SDK1: variants seen among roughly 807,000 people sequenced by gnomAD.
SDK1 encodes the protein sidekick cell adhesion molecule 1.
A neutral mutation model predicts 245.5 loss-of-function variants in SDK1; 157 were observed. The observed-to-expected ratio is 0.64, with a 90% confidence interval of 0.56 to 0.73. SDK1 has a LOEUF of 0.73. Ranked by LOEUF, SDK1 falls within the 30% of genes least tolerant of loss-of-function variation. SDK1 has a pLI of 0.00. For synonymous variants in SDK1, 1,647 were observed against 1,278.5 expected (o/e 1.29, Z -6.15); for missense variants, 3,583 against 3,002.3 (o/e 1.19, Z -4.52).
chr7:3,754,981 GA>G (rs1779878883), intron 4 of SDK1, among the ~76,000 whole-genome samples: 1 of 152,172 alleles, frequency 6.6e-6, no homozygotes, highest in South Asian at 2.1e-4. Flanking sequence ...CTAATTTCTG[GA>G]AAGGCTTTGT....
intron 4 of SDK1, among the ~76,000 whole-genome samples, chr7:3,644,912 G>A (rs1193199594): frequency 6.6e-6 from 1 of 151,918 alleles, no homozygotes; most frequent in Non-Finnish European, 1.5e-5. Context: ...ATAAATGTTG[G>A]GGGAGAATTG....
chr7:4,207,597 G>A (rs1334478651), intron 36 of SDK1, among the ~76,000 whole-genome samples: 1 of 152,088 alleles, frequency 6.6e-6, no homozygotes, highest in Non-Finnish European at 1.5e-5. Flanking sequence ...TTAGATGTCG[G>A]CTCTGAATAA....
At chr7:3,640,485 T>C (rs538014285) in intron 3 of SDK1, among the ~76,000 whole-genome samples, 207 of 152,238 alleles carry the variant, frequency 1.4e-3, no homozygotes, top group Non-Finnish European at 2.4e-3. Context: ...TTTTCTAAAT[T>C]GTGATGCCGA....
chr7:3,934,642 G>A (rs749537205), intron 5 of SDK1, among the ~76,000 whole-genome samples: 1 of 152,204 alleles, frequency 6.6e-6, no homozygotes, highest in Non-Finnish European at 1.5e-5. Flanking sequence ...AAGCATGCAG[G>A]GATCCACAAG....
At chr7:4,007,840 G>A (rs974549331) in intron 14 of SDK1, among the ~76,000 whole-genome samples, 3 of 152,018 alleles carry the variant, frequency 2.0e-5, no homozygotes, top group Admixed American at 1.3e-4. Flanking sequence ...TCCTGACCTC[G>A]TGATCCACCT....
chr7:3,322,202 T>C (rs777190517), intron 1 of SDK1, among the ~76,000 whole-genome samples: 1 of 152,126 alleles, frequency 6.6e-6, no homozygotes, highest in Non-Finnish European at 1.5e-5. Flanking sequence ...GTGTTCTGCT[T>C]CTATGGATTT....
At chr7:3,611,000 C>T (rs1205602624) in intron 1 of SDK1, among the ~76,000 whole-genome samples, 1 of 152,146 alleles carries the variant, frequency 6.6e-6, no homozygotes, top group Non-Finnish European at 1.5e-5. Context: ...CAATCTTTGA[C>T]TTGTGTTAGT....
intron 4 of SDK1, among the ~76,000 whole-genome samples, chr7:3,803,599 C>G (rs114633280): frequency 1.3e-5 from 2 of 152,124 alleles, no homozygotes; most frequent in African/African-American, 4.8e-5. Context: ...GCTTGAGCCA[C>G]TGCGCCTGTT....
chr7:3,753,402 C>G (rs1315466474), intron 4 of SDK1, among the ~76,000 whole-genome samples: 1 of 152,042 alleles, frequency 6.6e-6, no homozygotes, highest in Non-Finnish European at 1.5e-5. Flanking sequence ...GAGACATTGC[C>G]CCTTAATGAG....
intron 1 of SDK1, among the ~76,000 whole-genome samples, chr7:3,508,180 T>C (rs750674783): frequency 7.1e-6 from 1 of 140,622 alleles, no homozygotes; most frequent in African/African-American, 2.7e-5. Flanking sequence ...AGCTGGTGTT[T>C]TCTGAATATT....
chr7:3,639,202 A>C, intron 3 of SDK1, 92 bp downstream of exon 3: 1 of 634,442 alleles, frequency 1.6e-6, no homozygotes, highest in Admixed American at 2.7e-5. Flanking sequence ...GTAGGAACTG[A>C]GAGTTTATCT....
In SDK1 at chr7:3,465,550, G is replaced by T. The variant is rs758334371; in HGVS notation, c.299-153530G>T. On this transcript the variant is annotated intron_variant, in intron 1 of 44. Transcript: ENST00000404826. ...TTTCTTCCTTGAATGGCTTTGCACT[G>T]CTCTCATTGCTAGGTTCATATACTG... Among the ~76,000 whole-genome samples the T allele has an allele frequency of 2.4e-4, 36 of 152,214 alleles. 1 individual carries two copies. The highest frequency in any genetic ancestry group is 8.3e-4 in the South Asian group (4 of 4,806).
At chr7:3,430,261 C>A (rs1164601355) in intron 1 of SDK1, among the ~76,000 whole-genome samples, 2 of 152,222 alleles carry the variant, frequency 1.3e-5, no homozygotes, top group East Asian at 3.9e-4. Context: ...GGTGCAGTTT[C>A]TCTGACCATA....
chr7:3,948,069 A>G (rs1780649506), intron 5 of SDK1, among the ~76,000 whole-genome samples: 1 of 152,314 alleles, frequency 6.6e-6, no homozygotes, highest in South Asian at 2.1e-4. Context: ...AATGAGCACT[A>G]TCCTTGCTAT....
chr7:3,827,660 C>T (rs916255729), intron 5 of SDK1, among the ~76,000 whole-genome samples: 9 of 152,284 alleles, frequency 5.9e-5, no homozygotes, highest in Admixed American at 1.3e-4. Flanking sequence ...GTTCTCAGGA[C>T]GGAAGAGATT....
At chr7:4,087,527 C>T (rs961441865) in intron 22 of SDK1, among the ~76,000 whole-genome samples, 16 of 152,060 alleles carry the variant, frequency 1.1e-4, no homozygotes, top group African/African-American at 2.9e-4. Flanking sequence ...AGGATTTTCC[C>T]GGCCACTCTT....
At chr7:3,803,745 CTTTTTTT>C (rs60802259) in intron 4 of SDK1, among the ~76,000 whole-genome samples, 5 of 119,984 alleles carry the variant, frequency 4.2e-5, no homozygotes, top group African/African-American at 9.4e-5. Context: ...GTATTTTCCT[CTTTTTTT>C]TTTTTTTTTT....
intron 4 of SDK1, among the ~76,000 whole-genome samples, chr7:3,649,557 G>T (rs1041295359): frequency 6.6e-6 from 1 of 152,022 alleles, no homozygotes; most frequent in African/African-American, 2.4e-5. Context: ...CATCATTTCT[G>T]TGGTATTCTC....
At chr7:4,238,270 G>A (rs1190339863) in intron 42 of SDK1, among the ~76,000 whole-genome samples, 2 of 151,892 alleles carry the variant, frequency 1.3e-5, no homozygotes, top group African/African-American at 2.4e-5. Flanking sequence ...AGTAGAGGCG[G>A]GGTTTCACCA....
Sources: gnomAD v4.1 joint callset for allele counts (sites outside exome capture counted in the v4.1 genomes callset) on GRCh38, gnomAD v4.1.1 for gene constraint, MANE v1.5 for transcripts, NCBI Gene and HGNC (gene_info 2026-07-23, HGNC 2026-07-21) for gene names.